The following ATP5F1E variants were observed in gnomAD, a reference collection of about 807,000 sequenced individuals.
The protein encoded by ATP5F1E is ATP synthase F1 subunit epsilon, also known as ATP synthase F(1) complex subunit epsilon, mitochondrial.
Under a neutral mutation model 7.0 loss-of-function variants are expected in ATP5F1E, and 5 were observed. The ratio of observed to expected loss-of-function variants is 0.71; its 90% CI spans 0.37 to 1.49. The LOEUF is 1.49. Among genes scored for constraint, ATP5F1E ranks in the 40% most tolerant of loss-of-function variants. The pLI, the probability that ATP5F1E is intolerant of heterozygous loss-of-function variation, is 0.03. For missense variants in ATP5F1E, 59 were observed against 57.1 expected (o/e 1.03, Z -0.11); for synonymous variants, 20 against 20.1 (o/e 0.99, Z 0.02).
chr20:59,031,365 T>C (rs578262038), intron 1 of ATP5F1E, among the ~76,000 whole-genome samples: 1 of 152,194 alleles, frequency 6.6e-6, no homozygotes, highest in African/African-American at 2.4e-5. Context: ...GGTTGCCTAA[T>C]AAACGGTATC....
Position 59,031,781 on chromosome 20 carries a change from C to T in ATP5F1E, c.32+439G>A, listed in dbSNP as rs578246363. On this transcript the variant is annotated intron_variant, in intron 1 of 2. Transcript: ENST00000243997. ...ATGTGTAAAGTTGTAAAAGGCTCCA[C>T]CTCGATGCTGGATTAAAGGTCAAAG... Among the ~76,000 whole-genome samples the T allele has an allele frequency of 1.2e-4, 18 of 152,356 alleles. No individual in the cohort carries two copies. The East Asian group carries it at 3.3e-3, about 28-fold the overall frequency.
intron 1 of ATP5F1E, 58 bp downstream of exon 1, chr20:59,032,162 C>T: frequency 5.8e-6 from 9 of 1,561,028 alleles, no homozygotes; most frequent in East Asian, 4.7e-5. Flanking sequence ...GACCTCTGGG[C>T]ACCGGGATGC....
Position 59,027,211 on chromosome 20 carries a change from T to A in ATP5F1E, c.*1634A>T, listed in dbSNP as rs1331988238. On this transcript the variant is annotated 3_prime_UTR_variant, in exon 3 of 3. Coordinates refer to ENST00000243997, the MANE Select transcript of ATP5F1E (RefSeq NM_006886.4). Reference sequence around the variant, plus strand: ...CATCTGCCTCCTTAATAATATACCATCTCTATACCAATAATCTACCAATAT... The same window carrying A: ...CATCTGCCTCCTTAATAATATACCAACTCTATACCAATAATCTACCAATAT... The A allele has an allele frequency of 6.6e-6, 1 of 151,766 alleles. No individual in the cohort carries two copies. The highest frequency in any genetic ancestry group is 1.9e-4 in the East Asian group (1 of 5,156). 9.4% of individuals were successfully genotyped at this position (151,766 alleles called of 1,614,324 possible).
chr20:59,032,125 G>T, intron 1 of ATP5F1E, 95 bp downstream of exon 1: 1 of 1,508,658 alleles, frequency 6.6e-7, no homozygotes, highest in African/African-American at 1.4e-5. Flanking sequence ...CCGGTCACGC[G>T]TGGGGCCGCT....
At position 59,032,312 on chromosome 20, in the gene ATP5F1E, G is replaced by T; in HGVS notation, c.-61C>A. The stretch of plus-strand genomic sequence containing the variant: ...CCAAGACGCCGGCAATGTCGGCTCA[G>T]CCGGGCGGTTCAGCCGCAGGAAGAT... On this transcript the variant is annotated 5_prime_UTR_variant, in exon 1 of 3. In the 5' UTR this introduces an upstream ATG that the reference lacks. Coordinates refer to ENST00000243997, the MANE Select transcript of ATP5F1E (RefSeq NM_006886.4). 1.3e-6 allele frequency: 2 copies of T among 1,569,524 alleles called. No individual in the cohort carries two copies. The highest frequency in any genetic ancestry group is 8.6e-7 in the Non-Finnish European group (1 of 1,156,732).
Position 59,026,757 on chromosome 20 carries a change from TAAGA to T in ATP5F1E, c.*2084_*2087del, listed in dbSNP as rs1406580345. The T allele has an allele frequency of 6.6e-6, 1 of 152,194 alleles. No homozygotes were observed. The highest frequency in any genetic ancestry group is 1.5e-5 in the Non-Finnish European group (1 of 68,026). The allele number at this position is 152,194 out of a possible 1,614,324, so 9.4% of individuals were successfully genotyped here. A position where few individuals can be genotyped will look rare whatever the true frequency, so the allele number is the denominator to read the frequency against. On this transcript the variant is annotated 3_prime_UTR_variant, in exon 3 of 3. Coordinates refer to ENST00000243997, the MANE Select transcript of ATP5F1E (RefSeq NM_006886.4). ...AAAAACACAAAACAAACTAGAAACT[TAAGA>T]AATCTGTCCCTTTTGATTTTGAAGA...
chr20:59,027,916 C>T lies in ATP5F1E; in HGVS notation c.*929G>A, dbSNP rs1373541764. ...GCTTAAGTACCATGTGAGAACTGAT[C>T]CTAGAATGGTGTTTCAAAATTTCCA... On this transcript the variant is annotated 3_prime_UTR_variant, in exon 3 of 3. Transcript: ENST00000243997. The T allele has an allele frequency of 1.3e-5, 2 of 152,314 alleles. No individual in the cohort carries two copies. The highest frequency in any genetic ancestry group is 4.1e-4 in the South Asian group (2 of 4,826). The allele number at this position is 152,314 out of a possible 1,614,324, so 9.4% of individuals were successfully genotyped here. A position where few individuals can be genotyped will look rare whatever the true frequency, so the allele number is the denominator to read the frequency against.
At chr20:59,030,452 A>G in intron 1 of ATP5F1E, 23 bp from the exon 2 acceptor site, 1 of 1,612,600 alleles carries the variant, frequency 6.2e-7, no homozygotes, top group Non-Finnish European at 8.5e-7. Context: ...GAGAGAAGGT[A>G]TATGGTTAAT....
Position 59,032,221 on chromosome 20 carries a change from T to C in ATP5F1E, c.31A>G (p.Ser11Gly), listed in dbSNP as rs748552589. The C allele has an allele frequency of 1.0e-5, 16 of 1,587,794 alleles. No individual in the cohort carries two copies. MVAYWRQAGL[S>G]YIRYSQICAK... ...TTCCCTCTGGAGGCCTGGGCCTACC[T>C]GAGTCCAGCCTGTCTCCAGTAGGCC... Residue 11 changes from serine to glycine, a missense_variant and splice_region_variant, in exon 1 of 3, where the codon AGC (serine) becomes GGC (glycine). Coordinates refer to ENST00000243997, the MANE Select transcript of ATP5F1E (RefSeq NM_006886.4).
chr20:59,031,401 T>C (rs762443160), intron 1 of ATP5F1E, among the ~76,000 whole-genome samples: 23 of 152,316 alleles, frequency 1.5e-4, no homozygotes, highest in East Asian at 3.9e-4. Flanking sequence ...CATCCTTCCA[T>C]CCTTCCAATT....
intron 2 of ATP5F1E, chr20:59,029,291 C>G (rs1568692692): frequency 6.6e-6 from 1 of 152,120 alleles, no homozygotes; most frequent in African/African-American, 2.4e-5. Flanking sequence ...ACAAAACAAC[C>G]CAACATAAAA....
At chr20:59,030,131 A>T in intron 2 of ATP5F1E, 172 bp downstream of exon 2, 1 of 701,378 alleles carries the variant, frequency 1.4e-6, no homozygotes, top group Non-Finnish European at 2.2e-6. Flanking sequence ...TCTTTTTATT[A>T]GGCCAGGGGA....
intron 1 of ATP5F1E, 136 bp from the exon 2 acceptor site, chr20:59,030,565 T>C (rs2092020966): frequency 9.0e-6 from 10 of 1,109,156 alleles, no homozygotes; most frequent in Middle Eastern, 2.0e-4. Flanking sequence ...GATTTAAAAA[T>C]ATGACTAATG....
chr20:59,029,322 TTA>T (rs2092010871), intron 2 of ATP5F1E: 1 of 152,200 alleles, frequency 6.6e-6, no homozygotes, highest in Non-Finnish European at 1.5e-5. Flanking sequence ...TTACTCAGAA[TTA>T]TGAGATTAGA....
rs1201836435 is a variant in ATP5F1E, at chr20:59,026,271, T to G, written c.*2574A>C. The G allele has an allele frequency of 6.6e-6, 1 of 152,228 alleles. No homozygotes were observed. The highest frequency in any genetic ancestry group is 1.5e-5 in the Non-Finnish European group (1 of 68,034). The allele number at this position is 152,228 out of a possible 1,614,324, so 9.4% of individuals were successfully genotyped here. A position where few individuals can be genotyped will look rare whatever the true frequency, so the allele number is the denominator to read the frequency against. On this transcript the variant is annotated 3_prime_UTR_variant, in exon 3 of 3. Coordinates refer to ENST00000243997, the MANE Select transcript of ATP5F1E (RefSeq NM_006886.4). ...ATCGGATCATCAACAAGTCTTCTATTTACAAACTTCAAAAAACACAAAACA... is the reference window on the plus strand; with the variant it reads ...ATCGGATCATCAACAAGTCTTCTATGTACAAACTTCAAAAAACACAAAACA...
At chr20:59,031,444 TC>T (rs565985928) in intron 1 of ATP5F1E, among the ~76,000 whole-genome samples, 1 of 152,180 alleles carries the variant, frequency 6.6e-6, no homozygotes, top group Non-Finnish European at 1.5e-5. Flanking sequence ...CCTCAGCAAG[TC>T]GGGAAGCTCC....
In ATP5F1E at chr20:59,030,293, C is replaced by T; in HGVS notation, c.*3+10G>A. 2 of 1,612,846 alleles carry T rather than the reference C, an allele frequency of 1.2e-6. No homozygotes were observed. Among genetic ancestry groups the T allele is most frequent in the South Asian group, 1.1e-5 (1 of 90,998 alleles). On this transcript the variant is annotated intron_variant, in intron 2 of 2. Coordinates refer to ENST00000243997, the MANE Select transcript of ATP5F1E (RefSeq NM_006886.4). ...ATGCAACTGTTCTTCTAAATAAATC[C>T]ATAACTTACAGATTATTCCTTCTTT...
chr20:59,030,008 A>C (rs891666174), intron 2 of ATP5F1E: 1 of 354,632 alleles, frequency 2.8e-6, no homozygotes, highest in Admixed American at 4.1e-5. Context: ...TGATTTGTGC[A>C]GACAAATGAA....
At chr20:59,031,571 T>C (rs925371387) in intron 1 of ATP5F1E, among the ~76,000 whole-genome samples, 1 of 152,174 alleles carries the variant, frequency 6.6e-6, no homozygotes, top group African/African-American at 2.4e-5. Flanking sequence ...AAAAATCGGA[T>C]GTGACAGCTA....
Sources: gnomAD v4.1 joint callset for allele counts (sites outside exome capture counted in the v4.1 genomes callset) on GRCh38, gnomAD v4.1.1 for gene constraint, MANE v1.5 for transcripts, NCBI Gene and HGNC (gene_info 2026-07-23, HGNC 2026-07-21) for gene names.